Variants in EPHA5 observed in about 807,000 individuals in gnomAD.
The protein encoded by EPHA5 is EPH receptor A5, also known as ephrin type-A receptor 5.
EPHA5 carries 60 observed loss-of-function variants against 105.0 expected under a neutral mutation model. The observed-to-expected ratio is 0.57, with a 90% confidence interval of 0.46 to 0.71. The LOEUF is 0.71. Among genes scored for constraint, EPHA5 ranks in the 30% least tolerant of loss-of-function variants. EPHA5 has a pLI of 0.00. For missense variants in EPHA5, 1,218 were observed against 1,274.7 expected, an observed-to-expected ratio of 0.96 and a Z score of 0.68; for synonymous variants, 513 against 449.1, an observed-to-expected ratio of 1.14 and a Z score of -1.80.
At chr4:65,571,956 A>G (rs993165352) in intron 3 of EPHA5, among the ~76,000 whole-genome samples, 4 of 152,078 alleles carry the variant, frequency 2.6e-5, no homozygotes, top group Non-Finnish European at 5.9e-5. Flanking sequence ...GTAACTCTCC[A>G]AAATAATTAT....
intron 1 of EPHA5, among the ~76,000 whole-genome samples, chr4:65,666,845 A>G (rs1400542925): frequency 6.6e-6 from 1 of 152,174 alleles, no homozygotes; most frequent in Non-Finnish European, 1.5e-5. Flanking sequence ...GGCTTTTTCT[A>G]TTCAATTCTG....
chr4:65,382,288 AT>A (rs371961755), intron 8 of EPHA5, among the ~76,000 whole-genome samples: 2 of 151,564 alleles, frequency 1.3e-5, no homozygotes, highest in Non-Finnish European at 3.0e-5. Flanking sequence ...CACTTCAATT[AT>A]TTTTTTTCAA....
intron 2 of EPHA5, among the ~76,000 whole-genome samples, chr4:65,629,143 C>A (rs765093334): frequency 5.3e-5 from 8 of 151,974 alleles, no homozygotes; most frequent in Non-Finnish European, 1.0e-4. Context: ...ATAGGAAAAG[C>A]AATGTAAACA....
chr4:65,348,032 G>A (rs1278293579), intron 14 of EPHA5, 22 bp downstream of exon 14: 3 of 1,551,608 alleles, frequency 1.9e-6, no homozygotes, highest in East Asian at 4.7e-5. Flanking sequence ...GTCAAGTTGG[G>A]AAAGAGTAGT....
chr4:65,529,052 T>C (rs1312322015), intron 3 of EPHA5, among the ~76,000 whole-genome samples: 1 of 152,144 alleles, frequency 6.6e-6, no homozygotes, highest in Non-Finnish European at 1.5e-5. Context: ...CTATGTTCAA[T>C]TAAAACATCT....
chr4:65,551,080 AT>A (rs1737851759), intron 3 of EPHA5, among the ~76,000 whole-genome samples: 1 of 151,916 alleles, frequency 6.6e-6, no homozygotes, highest in Admixed American at 6.6e-5. Context: ...ATACACACGT[AT>A]GTATATTCAC....
intron 1 of EPHA5, among the ~76,000 whole-genome samples, chr4:65,653,479 G>T (rs918231641): frequency 2.0e-5 from 3 of 152,044 alleles, no homozygotes; most frequent in Non-Finnish European, 4.4e-5. Flanking sequence ...AATGATTTTA[G>T]GTGGCTGATC....
intron 13 of EPHA5, 71 bp from the exon 14 acceptor site, chr4:65,348,274 G>T: frequency 1.4e-6 from 2 of 1,379,914 alleles, no homozygotes; most frequent in Non-Finnish European, 2.0e-6. Context: ...TTGCCTCACT[G>T]AAAAGATCTA....
intron 1 of EPHA5, among the ~76,000 whole-genome samples, chr4:65,644,263 T>G (rs1378458894): frequency 1.3e-5 from 2 of 151,764 alleles, no homozygotes; most frequent in Non-Finnish European, 3.0e-5. Context: ...ATACATATGG[T>G]GTTACATACT....
chr4:65,365,996 A>C lies in EPHA5; in HGVS notation c.1923T>G (p.Ala641=), dbSNP rs769017163. 9.9e-6 allele frequency: 16 copies of C among 1,609,468 alleles called. No homozygotes were observed. The highest frequency in any genetic ancestry group is 1.3e-5 in the Non-Finnish European group (15 of 1,176,854). The change falls in exon 10 of 17, where the codon GCT becomes GCG. Residue 641 remains alanine (A), a synonymous_variant. Transcript: ENST00000613740. ...DPHTYEDPNQ[A]VHEFAKEIEA... ...CTATCTCCTTAGCAAATTCGTGGAC[A>C]GCTTGATTGGGATCCTCATAGGTAT...
chr4:65,576,073 GA>G (rs1740958548), intron 3 of EPHA5, among the ~76,000 whole-genome samples: 6 of 44,546 alleles, frequency 1.3e-4, no homozygotes, highest in Admixed American at 3.1e-4. Context: ...GAAAAGAAAA[GA>G]AAAGAAAAGA....
At chr4:65,380,810 G>C (rs1719486095) in intron 8 of EPHA5, among the ~76,000 whole-genome samples, 1 of 151,756 alleles carries the variant, frequency 6.6e-6, no homozygotes, top group Non-Finnish European at 1.5e-5. Flanking sequence ...ACACTGAAAA[G>C]TGGCACCAAT....
intron 3 of EPHA5, among the ~76,000 whole-genome samples, chr4:65,597,025 C>A (rs1248516211): frequency 6.6e-6 from 1 of 152,144 alleles, no homozygotes. Flanking sequence ...TGAATCAAGG[C>A]TCTTTCTTGA....
chr4:65,583,062 G>T (rs542514008), intron 3 of EPHA5, among the ~76,000 whole-genome samples: 1 of 151,598 alleles, frequency 6.6e-6, no homozygotes, highest in African/African-American at 2.4e-5. Context: ...ATTCTTACTT[G>T]CAAGTGTACA....
At chr4:65,371,115 A>AT (rs1316257414) in intron 8 of EPHA5, among the ~76,000 whole-genome samples, 1 of 151,972 alleles carries the variant, frequency 6.6e-6, no homozygotes, top group African/African-American at 2.4e-5. Context: ...AAAATAAACT[A>AT]TTTTTTTAAA....
intron 5 of EPHA5, among the ~76,000 whole-genome samples, chr4:65,440,499 TACACACACACACACAC>T (rs71657410): frequency 7.0e-6 from 1 of 143,358 alleles, no homozygotes; most frequent in African/African-American, 2.6e-5. Context: ...TCCTAAATCT[TACACACACACACACAC>T]ACACACACAC....
chr4:65,494,261 C>T (rs1423821145), intron 4 of EPHA5, among the ~76,000 whole-genome samples: 2 of 152,130 alleles, frequency 1.3e-5, no homozygotes, highest in African/African-American at 4.8e-5. Context: ...GAAATTTAGA[C>T]ACTATGAAAT....
chr4:65,393,597 C>T (rs766004177), intron 8 of EPHA5, among the ~76,000 whole-genome samples: 9 of 152,142 alleles, frequency 5.9e-5, no homozygotes, highest in Non-Finnish European at 1.2e-4. Context: ...TTAATCAATG[C>T]CTTTAAATAC....
chr4:65,469,678 A>G (rs1246253900), intron 5 of EPHA5, among the ~76,000 whole-genome samples: 2 of 152,126 alleles, frequency 1.3e-5, no homozygotes, highest in Admixed American at 6.6e-5. Context: ...AATTTAACAC[A>G]AAAAAATTAG....
Sources: gnomAD v4.1 joint callset for allele counts (sites outside exome capture counted in the v4.1 genomes callset) on GRCh38, gnomAD v4.1.1 for gene constraint, MANE v1.5 for transcripts, NCBI Gene and HGNC (gene_info 2026-07-23, HGNC 2026-07-21) for gene names.